The following PJA1 variants were observed in gnomAD, a reference collection of about 807,000 sequenced individuals.
PJA1 encodes praja ring finger ubiquitin ligase 1.
In PJA1, 5 loss-of-function variants were observed where a neutral mutation model predicts 14.1. That is an observed-to-expected ratio of 0.35 (90% confidence interval 0.18 to 0.74). The LOEUF is 0.74. PJA1 is among the 30% of genes least tolerant of loss of function. PJA1 has a pLI of 0.56. For synonymous variants in PJA1, 174 were observed against 190.9 expected (o/e 0.91, Z 0.73); for missense variants, 394 against 482.6 (o/e 0.82, Z 1.72).
chrX:69,161,790 C>A lies in PJA1; in HGVS notation c.1284G>T (p.Leu428Phe), dbSNP rs141660791. 6.5e-5 allele frequency: 79 copies of A among 1,209,702 alleles called. No individual in the cohort carries two copies. The highest frequency in any genetic ancestry group is 8.5e-5 in the Non-Finnish European group (76 of 895,157). The change falls in exon 2 of 2, where the codon TTG (leucine) becomes TTT (phenylalanine). Residue 428 changes from leucine (L) to phenylalanine (F), a missense_variant. Around this residue, in one of 2 missense-constraint regions of PJA1, gnomAD observed 378 missense variants for 439.3 expected, o/e 0.86. Coordinates refer to ENST00000374571, the MANE Select transcript of PJA1 (RefSeq NM_001032396.4). ...CCAGCATGAATACCCCAGGTTGCATCAACTCGTGACCAGAATCATTATCCC... is the reference window on the plus strand; with the variant it reads ...CCAGCATGAATACCCCAGGTTGCATAAACTCGTGACCAGAATCATTATCCC... ...SEGDNDSGHE[L>F]MQPGVFMLDG...
intron 1 of PJA1, among the ~76,000 whole-genome samples, chrX:69,164,919 A>G (rs1925224839): frequency 8.9e-6 from 1 of 111,744 alleles, no homozygotes; most frequent in Non-Finnish European, 1.9e-5. Flanking sequence ...TTTCCCTGGG[A>G]ACAGTATTTT....
rs1569210127 is a variant in PJA1 at position 69,163,044 on chromosome X, G to A, written c.30C>T (p.Thr10=). The part of the protein sequence containing the change: MHRSAPSQT[T]KRSRSPFSTT... The stretch of plus-strand genomic sequence containing the variant: ...TGGAAAATGGCGATCGGCTCCTCTT[G>A]GTGGTTTGACTGGGGGCTGATCTGT... The change falls in exon 2 of 2, where the codon ACC becomes ACT. Residue 10 remains threonine, a synonymous_variant. Transcript: ENST00000374571. 1.7e-6 allele frequency: 2 copies of A among 1,211,392 alleles called. No individual in the cohort carries two copies. Among genetic ancestry groups the A allele is most frequent in the East Asian group, 5.9e-5 (2 of 33,823 alleles).
Position 69,161,505 on chromosome X carries a change from G to A in PJA1, c.1569C>T (p.Pro523=), listed in dbSNP as rs747239855. Residue 523 remains proline (P), a synonymous_variant, in exon 2 of 2, where the codon CCC becomes CCT. Coordinates refer to ENST00000374571, the MANE Select transcript of PJA1 (RefSeq NM_001032396.4). ...CATGATCTTCAGTGACCAGGATCTC[G>A]GGAAGAGCGTCAATGCTCTCCTTGC... is the stretch of plus-strand genomic sequence containing the variant. The part of the protein sequence containing the change: ...PASKESIDAL[P]EILVTEDHGA... The A allele has an allele frequency of 2.4e-5, 29 of 1,209,906 alleles. No individual in the cohort carries two copies. The highest frequency in any genetic ancestry group is 1.2e-4 in the South Asian group (7 of 56,766).
In PJA1 at chrX:69,162,651, G is replaced by A; in HGVS notation, c.423C>T (p.Asp141=). 8.3e-7 allele frequency: 1 copy of A among 1,210,785 alleles called. No homozygotes were observed. Among genetic ancestry groups the A allele is most frequent in the South Asian group, 1.8e-5 (1 of 56,669 alleles). Reference sequence around the variant, plus strand: ...AGGCCACACTACTTTGTGGCAGGAAGTCAGCTCTGCTAGCTGAGCATCTTG... The same window carrying A: ...AGGCCACACTACTTTGTGGCAGGAAATCAGCTCTGCTAGCTGAGCATCTTG... The part of the protein sequence containing the change: ...PAARCSASRA[D]FLPQSSVASQ... The change falls in exon 2 of 2, where the codon GAC becomes GAT. Residue 141 remains aspartate, a synonymous_variant. Coordinates refer to ENST00000374571, the MANE Select transcript of PJA1 (RefSeq NM_001032396.4).
chrX:69,162,992 C>T lies in PJA1; in HGVS notation c.82G>A (p.Glu28Lys), dbSNP rs139094275. The T allele has an allele frequency of 5.7e-5, 69 of 1,208,787 alleles. No homozygotes were observed. The highest frequency in any genetic ancestry group is 4.6e-4 in the African/African-American group (26 of 56,812). The change falls in exon 2 of 2, where the codon GAG (glutamate) becomes AAG (lysine). Residue 28 changes from glutamate to lysine, a missense_variant. Glu to Lys is a moderately conservative substitution (Grantham distance 56). Around this residue, in one of 2 missense-constraint regions of PJA1, gnomAD observed 378 missense variants for 439.3 expected, o/e 0.86. Transcript: ENST00000374571. The part of the protein sequence containing the change: ...STTRRSWDDS[E>K]SSGTNLNIDN... ...ATATTCAGGTTGGTTCCCGAACTCT[C>T]GCTGTCGTCCCAACTACGACGAGTA...
At chrX:69,163,363 T>C (rs1925140192) in intron 1 of PJA1, 4 of 754,715 alleles carry the variant, frequency 5.3e-6, no homozygotes, top group Non-Finnish European at 5.7e-6. Flanking sequence ...GAGATTTATT[T>C]TCACTTCAGC....
chrX:69,163,278 G>C lies in PJA1; in HGVS notation c.-67-138C>G, dbSNP rs1298871218. ...AGGGTTTCCAATACAGCTGGGGCTCGGGTAGGAGGGCTCCTGCTCCCTGCA... is the reference window on the plus strand; with the variant it reads ...AGGGTTTCCAATACAGCTGGGGCTCCGGTAGGAGGGCTCCTGCTCCCTGCA... On this transcript the variant is annotated intron_variant, in intron 1 of 1. Transcript: ENST00000374571. 2.6e-6 allele frequency: 3 copies of C among 1,165,943 alleles called. No homozygotes were observed. In the Admixed American group the frequency reaches 7.3e-5, roughly 28 times the overall value.
intron 1 of PJA1, among the ~76,000 whole-genome samples, chrX:69,164,186 G>T (rs1471531421): frequency 9.1e-6 from 1 of 109,665 alleles, no homozygotes; most frequent in Non-Finnish European, 1.9e-5. Context: ...TGAGGTGGAT[G>T]GAACAGAGGC....
chrX:69,161,835 C>T lies in PJA1; in HGVS notation c.1239G>A (p.Glu413=), dbSNP rs1310760541. Residue 413 remains glutamate (E), a synonymous_variant, in exon 2 of 2, where the codon GAG becomes GAA. Transcript: ENST00000374571. ...TATCCCCCTCACTGCTACTGTCATT[C>T]TCATGGTACTGGAGCCAAGGAATTT... ...EGEIPWLQYH[E]NDSSSEGDND... is the part of the protein sequence containing the mutation. 2 of 1,209,593 alleles carry T rather than the reference C, an allele frequency of 1.7e-6. No homozygotes were observed. The highest frequency in any genetic ancestry group is 3.5e-5 in the African/African-American group (2 of 57,012).
Position 69,162,901 on chromosome X carries a change from A to G in PJA1, c.173T>C (p.Met58Thr), listed in dbSNP as rs1435051058. 1 of 1,209,242 alleles carries G rather than the reference A, an allele frequency of 8.3e-7. No individual in the cohort carries two copies. The highest frequency in any genetic ancestry group is 1.1e-6 in the Non-Finnish European group (1 of 895,166). Residue 58 changes from methionine to threonine, a missense_variant, in exon 2 of 2, where the codon ATG (methionine) becomes ACG (threonine). Physicochemically the swap from Met to Thr is moderately conservative, Grantham distance 81. Around this residue, in one of 2 missense-constraint regions of PJA1, gnomAD observed 378 missense variants for 439.3 expected, o/e 0.86. Coordinates refer to ENST00000374571, the MANE Select transcript of PJA1 (RefSeq NM_001032396.4). ...ATAAGAGTCAATATGTCCATAGGCCATTCCTCTTCTGCTACCCGAAGCTCT... is the reference window on the plus strand; with the variant it reads ...ATAAGAGTCAATATGTCCATAGGCCGTTCCTCTTCTGCTACCCGAAGCTCT... ...EYRASGSRRG[M>T]AYGHIDSYGA... is the part of the protein sequence containing the mutation.
In PJA1 at chrX:69,165,432, G is replaced by C. The variant is rs1199085643; in HGVS notation, c.-128C>G. 3 of 112,525 alleles carry C rather than the reference G, an allele frequency of 2.7e-5. No homozygotes were observed. The highest frequency in any genetic ancestry group is 5.6e-5 in the Non-Finnish European group (3 of 53,287). The allele number at this position is 112,525 out of a possible 1,213,427, so 9.3% of individuals were successfully genotyped here. A position where few individuals can be genotyped will look rare whatever the true frequency, so the allele number is the denominator to read the frequency against. On this transcript the variant is annotated 5_prime_UTR_variant, in exon 1 of 2. Coordinates refer to ENST00000374571, the MANE Select transcript of PJA1 (RefSeq NM_001032396.4). ...GAGCTCTCGGATCTCCGACCGCCAC[G>C]ACCGCCAGAGCCGCTGCTCCCGGTC...
Position 69,162,153 on chromosome X carries a change from G to T in PJA1, c.921C>A (p.Asp307Glu). The T allele has an allele frequency of 8.3e-7, 1 of 1,211,359 alleles. No individual in the cohort carries two copies. The highest frequency in any genetic ancestry group is 1.1e-6 in the Non-Finnish European group (1 of 895,444). Residue 307 changes from aspartate to glutamate, a missense_variant, in exon 2 of 2, where the codon GAC becomes GAA. Physicochemically the swap from Asp to Glu is conservative, Grantham distance 45. Coordinates refer to ENST00000374571, the MANE Select transcript of PJA1 (RefSeq NM_001032396.4). ...THSDDYYKYC[D>E]EDSDSDKEWI... is the part of the protein sequence containing the mutation. ...ACTCTTTGTCACTGTCAGAGTCTTC[G>T]TCGCAGTATTTGTAGTAATCATCAC...
chrX:69,164,000 T>C (rs941292071), intron 1 of PJA1, among the ~76,000 whole-genome samples: 2 of 110,743 alleles, frequency 1.8e-5, no homozygotes, highest in Admixed American at 1.9e-4. Context: ...TGTTTATGCG[T>C]ATGTCACAGG....
Position 69,161,339 on chromosome X carries a change from CG to C in PJA1, c.1734del (p.Val579CysfsTer20). ...GGGGGAGGGAACATGCAGCGGCACA[CG>C]GGGCAGGTGCCTGACTTCTGAAGCC... is the stretch of plus-strand genomic sequence containing the variant. The part of the protein sequence containing the change: ...SIWLQKSGTC[P>X]VCRCMFPPPL On this transcript the variant is annotated frameshift_variant, in exon 2 of 2. Coordinates refer to ENST00000374571, the MANE Select transcript of PJA1 (RefSeq NM_001032396.4). LOFTEE classifies it high-confidence loss of function. 1 of 1,185,632 alleles carries C rather than the reference CG, an allele frequency of 8.4e-7. No individual in the cohort carries two copies. The highest frequency in any genetic ancestry group is 1.1e-6 in the Non-Finnish European group (1 of 879,973).
Position 69,163,093 on chromosome X carries a change from T to C in PJA1, c.-20A>G. 8.3e-7 allele frequency: 1 copy of C among 1,211,604 alleles called. No individual in the cohort carries two copies. ...GTGCATTGGGACTTCGGAGTTCGTC[T>C]TTCTCTGGCTGGCAATCCTTTCCCG... On this transcript the variant is annotated 5_prime_UTR_variant, in exon 2 of 2. Coordinates refer to ENST00000374571, the MANE Select transcript of PJA1 (RefSeq NM_001032396.4).
In PJA1 at chrX:69,161,237, G is replaced by A; in HGVS notation, c.*70C>T. 1 of 1,089,691 alleles carries A rather than the reference G, an allele frequency of 9.2e-7. No homozygotes were observed. Among genetic ancestry groups the A allele is most frequent in the Non-Finnish European group, 1.2e-6 (1 of 834,410 alleles). 89.8% of individuals were successfully genotyped at this position (1,089,691 alleles called of 1,213,427 possible). ...GTTTTATTTCCATTGTTAATTTCAAGAGGGCTCCTGCAGTATTGTGGATTT... is the reference window on the plus strand; with the variant it reads ...GTTTTATTTCCATTGTTAATTTCAAAAGGGCTCCTGCAGTATTGTGGATTT... On this transcript the variant is annotated 3_prime_UTR_variant, in exon 2 of 2. Coordinates refer to ENST00000374571, the MANE Select transcript of PJA1 (RefSeq NM_001032396.4).
In PJA1 at chrX:69,161,651, C is replaced by T; in HGVS notation, c.1423G>A (p.Val475Met). The T allele has an allele frequency of 8.3e-7, 1 of 1,211,740 alleles. No individual in the cohort carries two copies. The highest frequency in any genetic ancestry group is 1.1e-6 in the Non-Finnish European group (1 of 895,505). ...GLGVAEAISY[V>M]DPQFLTYMAL... ...ATGTAGGTGAGGAACTGAGGGTCCA[C>T]ATAGGAAATGGCTTCAGCCACTCCT... The change falls in exon 2 of 2, where the codon GTG becomes ATG. Residue 475 changes from valine to methionine, a missense_variant. Physicochemically the swap from Val to Met is conservative, Grantham distance 21. Transcript: ENST00000374571.
chrX:69,160,811 C>A (rs1223258994), downstream of PJA1: 1 of 108,793 alleles, frequency 9.2e-6, no homozygotes, highest in African/African-American at 3.4e-5. Flanking sequence ...ATTATAAAGT[C>A]ATTCAGTACC....
intron 1 of PJA1, among the ~76,000 whole-genome samples, chrX:69,164,408 C>A (rs1265102586): frequency 9.1e-6 from 1 of 109,611 alleles, no homozygotes; most frequent in Non-Finnish European, 1.9e-5. Context: ...ATGTATGTCA[C>A]TGGCCAGCGA....
Sources: allele counts gnomAD v4.1 joint callset (sites outside exome capture counted in the v4.1 genomes callset), GRCh38; gene constraint gnomAD v4.1.1; regional missense constraint gnomAD v4.1.1; transcripts MANE v1.5; gene names NCBI Gene and HGNC (gene_info 2026-07-23, HGNC 2026-07-21).